The following PRR16 variants were observed in gnomAD, a reference collection of about 807,000 sequenced individuals.
The protein encoded by PRR16 is proline rich 16.
A neutral mutation model predicts 18.2 loss-of-function variants in PRR16; 6 were observed. The ratio of observed to expected loss-of-function variants is 0.33; its 90% CI spans 0.18 to 0.65. The LOEUF is 0.65. Among genes scored for constraint, PRR16 ranks in the 30% least tolerant of loss-of-function variants. The probability of loss-of-function intolerance (pLI) is 0.74; values close to 1 mark genes in which losing one functional copy is unlikely to be tolerated. For missense variants in PRR16, 412 were observed against 376.6 expected, an observed-to-expected ratio of 1.09 and a Z score of -0.78; for synonymous variants, 151 against 147.8, an observed-to-expected ratio of 1.02 and a Z score of -0.16.
the PRR16 span, among the ~76,000 whole-genome samples, chr5:120,785,888 C>T: frequency 6.6e-6 from 1 of 151,028 alleles, no homozygotes; most frequent in South Asian, 2.1e-4. Flanking sequence ...CTTAAATGCT[C>T]TTTTTTCCTG....
rs191401957 is a variant in PRR16 at position 120,617,243 on chromosome 5, A to G, written c.160-68711A>G. The G allele has an allele frequency of 1.9e-5, 16 of 849,136 alleles. No individual in the cohort carries two copies. The East Asian group carries it at 1.7e-3, about 91-fold the overall frequency. The allele number at this position is 849,136 out of a possible 1,614,324, so 52.6% of individuals were successfully genotyped here. On this transcript the variant is annotated intron_variant, in intron 1 of 1. Transcript: ENST00000407149. ...TGCAGGAATTTGGACAGCACATACC[A>G]ACATTTCTAAGAAACATGCAAACCA...
chr5:120,621,991 T>A (rs1754705274), intron 1 of PRR16, among the ~76,000 whole-genome samples: 1 of 152,164 alleles, frequency 6.6e-6, no homozygotes, highest in Non-Finnish European at 1.5e-5. Context: ...TTTTCAGAGG[T>A]GTCTTTGCTG....
At chr5:120,781,764 C>A in the PRR16 span, among the ~76,000 whole-genome samples, 1 of 152,080 alleles carries the variant, frequency 6.6e-6, no homozygotes, top group Admixed American at 6.5e-5. Context: ...TGTGCGAATA[C>A]TGATGTTTCA....
chr5:120,699,393 T>C, the PRR16 span, among the ~76,000 whole-genome samples: 395 of 151,486 alleles, frequency 2.6e-3, 3 homozygotes, highest in African/African-American at 7.5e-3. Context: ...TTTGGGGAAA[T>C]GGGGTGAATG....
intron 1 of PRR16, among the ~76,000 whole-genome samples, chr5:120,505,238 G>A (rs565143455): frequency 3.9e-5 from 6 of 152,242 alleles, no homozygotes; most frequent in Admixed American, 2.6e-4. Context: ...AAACTCTAAT[G>A]TCTAAAGAAA....
intron 1 of PRR16, among the ~76,000 whole-genome samples, chr5:120,630,075 A>G (rs181280661): frequency 7.8e-4 from 119 of 152,124 alleles, no homozygotes; most frequent in African/African-American, 2.8e-3. Context: ...ATTTTTGCCA[A>G]TTCTGAGCTA....
chr5:120,565,640 C>T (rs1752712748), intron 1 of PRR16, among the ~76,000 whole-genome samples: 1 of 152,196 alleles, frequency 6.6e-6, no homozygotes, highest in Non-Finnish European at 1.5e-5. Context: ...CAAATCTCTA[C>T]TCTCACATAA....
the PRR16 span, among the ~76,000 whole-genome samples, chr5:120,755,411 A>T: frequency 3.9e-5 from 6 of 152,044 alleles, no homozygotes; most frequent in South Asian, 4.1e-4. Context: ...CAGTCTCCAG[A>T]GTCTATTGTT....
At chr5:120,752,158 A>G in the PRR16 span, among the ~76,000 whole-genome samples, 1 of 152,124 alleles carries the variant, frequency 6.6e-6, no homozygotes, top group African/African-American at 2.4e-5. Context: ...TGCTAAAAAA[A>G]CTGAATTCCA....
chr5:120,681,053 A>G (rs939369955), intron 1 of PRR16, among the ~76,000 whole-genome samples: 1 of 152,122 alleles, frequency 6.6e-6, no homozygotes, highest in African/African-American at 2.4e-5. Context: ...TCTTATTTCT[A>G]TAACTTTATA....
intron 1 of PRR16, among the ~76,000 whole-genome samples, chr5:120,628,710 CTATCTATCTATCTAT>C: frequency 7.9e-6 from 1 of 126,214 alleles, no homozygotes; most frequent in South Asian, 2.7e-4. Flanking sequence ...ATCTATCTAT[CTATCTATCTATCTAT>C]CTATCTATCT....
chr5:120,523,059 G>C (rs941921876), intron 1 of PRR16, among the ~76,000 whole-genome samples: 8 of 152,100 alleles, frequency 5.3e-5, no homozygotes, highest in Non-Finnish European at 1.2e-4. Context: ...TGGAATCATA[G>C]ACATGTATCC....
At chr5:120,782,492 T>C in the PRR16 span, among the ~76,000 whole-genome samples, 23 of 152,044 alleles carry the variant, frequency 1.5e-4, no homozygotes, top group African/African-American at 5.1e-4. Context: ...CCCCTCGGGG[T>C]TGGTTCCACA....
At chr5:120,568,708 G>GAT in intron 1 of PRR16, among the ~76,000 whole-genome samples, 1 of 151,872 alleles carries the variant, frequency 6.6e-6, no homozygotes, top group Non-Finnish European at 1.5e-5. Flanking sequence ...CACATTCTTT[G>GAT]GTAATTATAA....
chr5:120,766,231 G>A, the PRR16 span, among the ~76,000 whole-genome samples: 1 of 151,854 alleles, frequency 6.6e-6, no homozygotes, highest in South Asian at 2.1e-4. Context: ...AGCATTCCAG[G>A]GTTCTGGTTG....
chr5:120,657,258 G>C (rs1182723141), intron 1 of PRR16, among the ~76,000 whole-genome samples: 1 of 151,864 alleles, frequency 6.6e-6, no homozygotes, highest in Admixed American at 6.6e-5. Flanking sequence ...AACCAATTGA[G>C]GATAAACTTA....
At chr5:120,483,380 T>C (rs1749685534) in intron 1 of PRR16, among the ~76,000 whole-genome samples, 1 of 152,190 alleles carries the variant, frequency 6.6e-6, no homozygotes, top group Non-Finnish European at 1.5e-5. Flanking sequence ...GCCAGAACTT[T>C]ACTATTTTTG....
the PRR16 span, among the ~76,000 whole-genome samples, chr5:120,781,909 G>T: frequency 5.9e-5 from 9 of 152,110 alleles, no homozygotes; most frequent in East Asian, 1.7e-3. Context: ...AAAGGGAAAA[G>T]GTTGCAAGAA....
At chr5:120,582,879 A>G (rs1753319494) in intron 1 of PRR16, among the ~76,000 whole-genome samples, 1 of 152,258 alleles carries the variant, frequency 6.6e-6, no homozygotes, top group Admixed American at 6.5e-5. Context: ...TGCATAATAA[A>G]TCATTCTAAA....
Sources: allele counts gnomAD v4.1 joint callset (sites outside exome capture counted in the v4.1 genomes callset), GRCh38; gene constraint gnomAD v4.1.1; transcripts MANE v1.5; gene names NCBI Gene and HGNC (gene_info 2026-07-23, HGNC 2026-07-21).